Variants in SEMA4D observed in about 807,000 individuals in gnomAD.
SEMA4D encodes semaphorin 4D.
In SEMA4D, 22 loss-of-function variants were observed where a neutral mutation model predicts 74.8. That is an observed-to-expected ratio of 0.29 (90% CI 0.21 to 0.42). SEMA4D has a LOEUF of 0.42. SEMA4D is among the 10% of genes least tolerant of loss of function. The probability of loss-of-function intolerance (pLI) is 1.00; values close to 1 mark genes in which losing one functional copy is unlikely to be tolerated. For missense variants in SEMA4D, 937 were observed against 1,118.4 expected (o/e 0.84, Z 2.31); for synonymous variants, 445 against 463.7 (o/e 0.96, Z 0.52).
intron 13 of SEMA4D, among the ~76,000 whole-genome samples, chr9:89,382,858 C>T (rs1564548261): frequency 6.6e-6 from 1 of 152,148 alleles, no homozygotes; most frequent in Non-Finnish European, 1.5e-5. Flanking sequence ...TGACTCCTCA[C>T]CCCAAAGAGA....
chr9:89,380,732 A>T (rs560926591), intron 15 of SEMA4D, among the ~76,000 whole-genome samples: 1 of 152,290 alleles, frequency 6.6e-6, no homozygotes, highest in South Asian at 2.1e-4. Context: ...CTGAGGATTA[A>T]TCACTCATGG....
chr9:89,449,270 C>T (rs1368782979), intron 2 of SEMA4D, among the ~76,000 whole-genome samples: 1 of 152,208 alleles, frequency 6.6e-6, no homozygotes, highest in Non-Finnish European at 1.5e-5. Flanking sequence ...CTCTCAAAGC[C>T]TGATACGGTT....
chr9:89,441,859 C>T lies in SEMA4D; in HGVS notation c.-244+14029G>A, dbSNP rs544868709. On this transcript the variant is annotated intron_variant, in intron 2 of 15. Coordinates refer to ENST00000422704, the MANE Select transcript of SEMA4D (RefSeq NM_001371194.2). Reference sequence around the variant, plus strand: ...TAAGTGAAAGGGAAGTCCAGCAACTCCAGGCCCCACCGTGTGGACAGAGGG... The same window carrying T: ...TAAGTGAAAGGGAAGTCCAGCAACTTCAGGCCCCACCGTGTGGACAGAGGG... Among the ~76,000 whole-genome samples, 30 of 152,326 alleles carry T rather than the reference C, an allele frequency of 2.0e-4. 1 individual carries two copies. The South Asian group carries it at 6.2e-3, about 32-fold the overall frequency.
intron 2 of SEMA4D, among the ~76,000 whole-genome samples, chr9:89,422,668 G>C (rs1242586567): frequency 6.6e-6 from 1 of 152,174 alleles, no homozygotes; most frequent in Non-Finnish European, 1.5e-5. Flanking sequence ...GGGACATTCC[G>C]ATCCTTTCCA....
intron 2 of SEMA4D, among the ~76,000 whole-genome samples, chr9:89,444,357 C>A (rs539802921): frequency 2.6e-5 from 4 of 152,194 alleles, no homozygotes; most frequent in Non-Finnish European, 2.9e-5. Context: ...CCTGCCATCA[C>A]GGCTCACAAA....
intron 2 of SEMA4D, chr9:89,450,246 A>T: frequency 8.5e-7 from 1 of 1,183,048 alleles, no homozygotes; most frequent in Non-Finnish European, 1.3e-6. Context: ...GGATGTTCTC[A>T]TCAGCTCAGG....
At chr9:89,424,513 TGCTTCCGTCCC>T (rs1470901508) in intron 2 of SEMA4D, among the ~76,000 whole-genome samples, 2 of 152,214 alleles carry the variant, frequency 1.3e-5, no homozygotes, top group African/African-American at 2.4e-5. Context: ...AAATCCAAGA[TGCTTCCGTCCC>T]GACTCCAAAT....
At chr9:89,443,744 G>A (rs1410804476) in intron 2 of SEMA4D, among the ~76,000 whole-genome samples, 4 of 152,262 alleles carry the variant, frequency 2.6e-5, no homozygotes, top group African/African-American at 9.6e-5. Flanking sequence ...CAGCATGGGT[G>A]GGGCTGGGGT....
chr9:89,455,131 C>T (rs1264153461), intron 2 of SEMA4D, among the ~76,000 whole-genome samples: 1 of 152,282 alleles, frequency 6.6e-6, no homozygotes, highest in Non-Finnish European at 1.5e-5. Context: ...ATGGCCTCAT[C>T]CATGACAGGG....
intron 1 of SEMA4D, among the ~76,000 whole-genome samples, chr9:89,482,157 C>T (rs1824766682): frequency 1.3e-5 from 2 of 152,180 alleles, no homozygotes; most frequent in African/African-American, 4.8e-5. Context: ...CAGCTCACAG[C>T]GGTCAGAGCA....
intron 2 of SEMA4D, among the ~76,000 whole-genome samples, chr9:89,438,986 T>A (rs1291387017): frequency 9.0e-6 from 1 of 111,460 alleles, no homozygotes; most frequent in African/African-American, 3.4e-5. Context: ...TTTTTTTTTT[T>A]TTTTTTTTTT....
intron 2 of SEMA4D, among the ~76,000 whole-genome samples, chr9:89,447,784 CCCA>C (rs1270245890): frequency 2.0e-5 from 3 of 151,722 alleles, no homozygotes; most frequent in Non-Finnish European, 2.9e-5. Context: ...CCCACTGCCC[CCCA>C]CCACCACTTC....
At chr9:89,385,565 C>T in intron 13 of SEMA4D, 1 of 985,386 alleles carries the variant, frequency 1.0e-6, no homozygotes. Flanking sequence ...TTCTCTTTTC[C>T]TTTCAGATCT....
At chr9:89,463,818 CA>C (rs1213007025) in intron 1 of SEMA4D, among the ~76,000 whole-genome samples, 1 of 151,922 alleles carries the variant, frequency 6.6e-6, no homozygotes, top group Non-Finnish European at 1.5e-5. Flanking sequence ...CCTGTAATCC[CA>C]GCTACTTGGG....
intron 2 of SEMA4D, among the ~76,000 whole-genome samples, chr9:89,453,513 T>C (rs1005502875): frequency 1.5e-4 from 23 of 152,234 alleles, no homozygotes; most frequent in African/African-American, 5.5e-4. Context: ...GGGAAGCTGC[T>C]GGAAGGCGAT....
At chr9:89,384,580 C>G in intron 13 of SEMA4D, 3 of 851,196 alleles carry the variant, frequency 3.5e-6, no homozygotes, top group Non-Finnish European at 4.2e-6. Flanking sequence ...TGCAAAACAA[C>G]GTGAATGTTC....
At chr9:89,491,658 G>A (rs1045917929) in intron 1 of SEMA4D, among the ~76,000 whole-genome samples, 2 of 152,188 alleles carry the variant, frequency 1.3e-5, no homozygotes, top group Non-Finnish European at 2.9e-5. Context: ...GCATTTCCCA[G>A]GGGTGCAATG....
At chr9:89,478,829 C>T (rs1294075898) in intron 1 of SEMA4D, among the ~76,000 whole-genome samples, 1 of 121,612 alleles carries the variant, frequency 8.2e-6, no homozygotes, top group Non-Finnish European at 1.6e-5. Context: ...CGCTTTTGTT[C>T]CTGTCACTGC....
chr9:89,451,305 C>CT (rs1854447407), intron 2 of SEMA4D, among the ~76,000 whole-genome samples: 1 of 152,186 alleles, frequency 6.6e-6, no homozygotes, highest in African/African-American at 2.4e-5. Context: ...AGTCAGGCCC[C>CT]TCCCATTTTA....
Sources: allele counts gnomAD v4.1 joint callset (sites outside exome capture counted in the v4.1 genomes callset), GRCh38; gene constraint gnomAD v4.1.1; transcripts MANE v1.5; gene names NCBI Gene and HGNC (gene_info 2026-07-23, HGNC 2026-07-21).